The following AFG2A variants were observed in gnomAD, a reference collection of about 807,000 sequenced individuals.
AFG2A encodes AAA ATPase AFG2A.
the AFG2A span, among the ~76,000 whole-genome samples, chr4:123,153,987 G>T: frequency 6.6e-6 from 1 of 152,110 alleles, no homozygotes; most frequent in Non-Finnish European, 1.5e-5. Context: ...ACATATGAAA[G>T]TGTAGTAAAG....
At chr4:123,240,873 G>A in the AFG2A span, among the ~76,000 whole-genome samples, 12 of 152,036 alleles carry the variant, frequency 7.9e-5, no homozygotes, top group African/African-American at 2.7e-4. Flanking sequence ...CAACAAAATT[G>A]ATAGACTGCT....
At chr4:123,302,573 A>C in the AFG2A span, among the ~76,000 whole-genome samples, 1 of 119,650 alleles carries the variant, frequency 8.4e-6, no homozygotes, top group Non-Finnish European at 2.0e-5. Flanking sequence ...TGACCTTAGC[A>C]GGAGACCTTT....
At chr4:123,000,275 T>C in the AFG2A span, among the ~76,000 whole-genome samples, 1 of 150,750 alleles carries the variant, frequency 6.6e-6, no homozygotes, top group East Asian at 2.0e-4. Flanking sequence ...CTTCCTCTTT[T>C]CCTAACTGAA....
the AFG2A span, among the ~76,000 whole-genome samples, chr4:123,230,081 G>C: frequency 2.6e-3 from 402 of 152,070 alleles, 5 homozygotes; most frequent in Non-Finnish European, 4.2e-3. Flanking sequence ...ACTGCTGACT[G>C]ATCAGGGTGG....
At chr4:122,960,407 A>C in the AFG2A span, among the ~76,000 whole-genome samples, 1 of 152,242 alleles carries the variant, frequency 6.6e-6, no homozygotes, top group Non-Finnish European at 1.5e-5. Context: ...TTCCAAATAT[A>C]GGGATTTATT....
the AFG2A span, among the ~76,000 whole-genome samples, chr4:123,032,416 A>G: frequency 0.91 from 138,257 of 152,086 alleles, 63,073 homozygotes; most frequent in East Asian, 0.97. Context: ...CCTCTGAGAC[A>G]AAGTCTCACT....
At chr4:123,276,415 C>A in the AFG2A span, among the ~76,000 whole-genome samples, 1 of 152,246 alleles carries the variant, frequency 6.6e-6, no homozygotes, top group East Asian at 1.9e-4. Flanking sequence ...CAAATATTTT[C>A]TCCCATTCTG....
the AFG2A span, among the ~76,000 whole-genome samples, chr4:123,198,234 A>C: frequency 6.7e-6 from 1 of 150,326 alleles, no homozygotes. Flanking sequence ...GTGCCACTGC[A>C]CTCCAGCCTA....
the AFG2A span, among the ~76,000 whole-genome samples, chr4:123,254,439 C>T: frequency 6.6e-6 from 1 of 152,002 alleles, no homozygotes; most frequent in Non-Finnish European, 1.5e-5. Context: ...GTATCTTTAT[C>T]CTCTAGATAC....
the AFG2A span, among the ~76,000 whole-genome samples, chr4:123,188,380 G>A: frequency 2.0e-5 from 3 of 152,010 alleles, no homozygotes; most frequent in African/African-American, 7.2e-5. Flanking sequence ...ATTCTTAAAA[G>A]TAGTATATCT....
chr4:123,181,987 C>A, the AFG2A span, among the ~76,000 whole-genome samples: 1 of 152,146 alleles, frequency 6.6e-6, no homozygotes. Context: ...GTCAGAAAGT[C>A]TGAATTTGGG....
chr4:123,224,305 C>T, the AFG2A span, among the ~76,000 whole-genome samples: 4 of 152,202 alleles, frequency 2.6e-5, no homozygotes, highest in South Asian at 8.3e-4. Context: ...TGGTGTGCTG[C>T]ACCCATTAAC....
chr4:123,256,113 T>C, the AFG2A span: 2 of 1,614,058 alleles, frequency 1.2e-6, no homozygotes. Flanking sequence ...TTTCACTCCA[T>C]GCCTGTCAGT....
chr4:123,184,021 C>G, the AFG2A span, among the ~76,000 whole-genome samples: 2 of 152,044 alleles, frequency 1.3e-5, no homozygotes, highest in Non-Finnish European at 2.9e-5. Context: ...GTCTTGAACT[C>G]CTGGGCTCAA....
chr4:122,960,082 A>T, the AFG2A span, among the ~76,000 whole-genome samples: 2 of 152,160 alleles, frequency 1.3e-5, no homozygotes, highest in Non-Finnish European at 2.9e-5. Flanking sequence ...AATGTTTTGT[A>T]GTTCACCTTT....
At chr4:123,159,284 G>A in the AFG2A span, among the ~76,000 whole-genome samples, 1 of 152,164 alleles carries the variant, frequency 6.6e-6, no homozygotes, top group Non-Finnish European at 1.5e-5. Flanking sequence ...GAAGCTAACA[G>A]ATGTTGCTCT....
At chr4:123,207,881 A>G in the AFG2A span, among the ~76,000 whole-genome samples, 1 of 152,216 alleles carries the variant, frequency 6.6e-6, no homozygotes, top group African/African-American at 2.4e-5. Context: ...GGTTCAGTGC[A>G]GTTCCTATCC....
At chr4:122,988,303 T>TCAAA in the AFG2A span, among the ~76,000 whole-genome samples, 3 of 151,480 alleles carry the variant, frequency 2.0e-5, no homozygotes, top group African/African-American at 7.3e-5. Flanking sequence ...CTTTATGGAT[T>TCAAA]TAGATTTGAA....
chr4:122,968,670 G>T, the AFG2A span, among the ~76,000 whole-genome samples: 1 of 152,190 alleles, frequency 6.6e-6, no homozygotes, highest in East Asian at 1.9e-4. Context: ...ACAAATGTAT[G>T]CATTTCTGTC....
Sources: allele counts gnomAD v4.1 joint callset (sites outside exome capture counted in the v4.1 genomes callset), GRCh38; gene constraint gnomAD v4.1.1; transcripts MANE v1.5; gene names NCBI Gene and HGNC (gene_info 2026-07-23, HGNC 2026-07-21).